The following ZMIZ1 variants were observed in gnomAD, a reference collection of about 807,000 sequenced individuals.
ZMIZ1 encodes the protein zinc finger MIZ-type containing 1, also known as zinc finger MIZ domain-containing protein 1.
Under a neutral mutation model 113.9 loss-of-function variants are expected in ZMIZ1, and 17 were observed. The observed-to-expected ratio is 0.15, with a 90% CI of 0.10 to 0.22. The LOEUF (loss-of-function observed/expected upper bound fraction) is 0.22, where lower values mean the gene tolerates loss of function less well. Ranked by LOEUF, ZMIZ1 falls within the 10% of genes least tolerant of loss-of-function variation. The pLI is 1.00. For missense variants in ZMIZ1, 1,059 were observed against 1,477.8 expected (o/e 0.72, Z 4.65); for synonymous variants, 607 against 603.1 (o/e 1.01, Z -0.09).
At chr10:79,229,080 A>G (rs2802363) in intron 7 of ZMIZ1, among the ~76,000 whole-genome samples, 41,858 of 152,222 alleles carry the variant, frequency 0.27, 6,194 homozygotes, top group Non-Finnish European at 0.35. Flanking sequence ...GGGGTCCCAC[A>G]GATCTAGAAT....
At chr10:79,302,698 TTTTTTTTGA>T (rs1189803630) in intron 18 of ZMIZ1, among the ~76,000 whole-genome samples, 2 of 132,554 alleles carry the variant, frequency 1.5e-5, no homozygotes, top group Non-Finnish European at 1.6e-5. Context: ...TTTTTTTTTT[TTTTTTTTGA>T]GAGAGAGAGA....
Position 79,129,784 on chromosome 10 carries a change from C to T in ZMIZ1, c.-226-9898C>T, listed in dbSNP as rs912559668. On this transcript the variant is annotated intron_variant, in intron 2 of 24. Transcript: ENST00000334512. The stretch of plus-strand genomic sequence containing the variant: ...GGCAGAGCGAGCCCCTGCCCCCAGC[C>T]CTGGCCTGAGCAGTTGGGAGGGATC... Among the ~76,000 whole-genome samples the T allele has an allele frequency of 1.4e-4, 22 of 152,352 alleles. 1 individual carries two copies. Among genetic ancestry groups the T allele is most frequent in the South Asian group, 1.0e-3 (5 of 4,830 alleles).
intron 7 of ZMIZ1, among the ~76,000 whole-genome samples, chr10:79,243,376 G>A (rs554474289): frequency 6.7e-6 from 1 of 149,446 alleles, no homozygotes; most frequent in African/African-American, 2.4e-5. Context: ...CCCCATTAGC[G>A]GAGCCTCCGC....
rs1194005715 is a variant in ZMIZ1, at chr10:79,306,330, A to T, written c.2654A>T (p.Asp885Val). The T allele has an allele frequency of 6.2e-7, 1 of 1,610,380 alleles. No individual in the cohort carries two copies. Among genetic ancestry groups the T allele is most frequent in the South Asian group, 1.1e-5 (1 of 91,070 alleles). ...PPPPGGTNSN[D>V]YSSQGNNYQG... ...CCCCCAGGGGGCACCAACTCCAACGACTACAGCAGCCAAGGTGGGTGATGC... is the reference window on the plus strand; with the variant it reads ...CCCCCAGGGGGCACCAACTCCAACGTCTACAGCAGCCAAGGTGGGTGATGC... The change falls in exon 22 of 25, where the codon GAC becomes GTC. Residue 885 changes from aspartate to valine, a missense_variant. Physicochemically the swap from Asp to Val is radical, Grantham distance 152 (BLOSUM62 -3). Around this residue, in one of 6 missense-constraint regions of ZMIZ1, gnomAD observed 225 missense variants for 276.0 expected, o/e 0.82. Transcript: ENST00000334512.
At chr10:79,163,475 A>G (rs144951384) in intron 4 of ZMIZ1, among the ~76,000 whole-genome samples, 106 of 152,362 alleles carry the variant, frequency 7.0e-4, no homozygotes, top group Admixed American at 2.9e-3. Flanking sequence ...ATATTTTTAA[A>G]TGTCACAGTC....
At position 79,244,847 on chromosome 10, in the gene ZMIZ1, G is replaced by T. The variant is rs1589476472; in HGVS notation, c.280+28573G>T. On this transcript the variant is annotated intron_variant, in intron 7 of 24. Transcript: ENST00000334512. ...AGGGTGACCCCAGATGTTACGTGGG[G>T]GCTCCGGCTCCCCCAGTTATGGGGC... Among the ~76,000 whole-genome samples the T allele has an allele frequency of 2.0e-5, 3 of 152,182 alleles. No individual in the cohort carries two copies. The East Asian group carries it at 5.8e-4, about 29-fold the overall frequency.
At chr10:79,244,983 T>G (rs1589476800) in intron 7 of ZMIZ1, among the ~76,000 whole-genome samples, 1 of 152,186 alleles carries the variant, frequency 6.6e-6, no homozygotes. Flanking sequence ...GCCTTTCCCC[T>G]TTTTTTGTGT....
chr10:79,243,099 GCTC>G (rs949454526), intron 7 of ZMIZ1, among the ~76,000 whole-genome samples: 12 of 150,782 alleles, frequency 8.0e-5, no homozygotes, highest in Admixed American at 2.6e-4. Context: ...TTCCTCCCGC[GCTC>G]CTCCTCCTCC....
rs963033027 is a variant in ZMIZ1 at position 79,118,337 on chromosome 10, C to G, written c.-336-578C>G. 9.9e-5 allele frequency among the ~76,000 whole-genome samples: 15 copies of G among 152,148 alleles called. No homozygotes were observed. The highest frequency in any genetic ancestry group is 3.6e-4 in the African/African-American group (15 of 41,426). On this transcript the variant is annotated intron_variant, in intron 1 of 24. Coordinates refer to ENST00000334512, the MANE Select transcript of ZMIZ1 (RefSeq NM_020338.4). This position sits in a 1 kb window ranked among gnomAD's most constrained non-coding sequence, Gnocchi z 4.1. The stretch of plus-strand genomic sequence containing the variant: ...AGGAATCTCTGTGGTCCTTGTTAAC[C>G]AGTTCAGAGGACAGAGAGAAACTAG...
In ZMIZ1 at chr10:79,265,465, TTTC is replaced by T. The variant is rs1321090011; in HGVS notation, c.281-11713_281-11711del. On this transcript the variant is annotated intron_variant, in intron 7 of 24. Coordinates refer to ENST00000334512, the MANE Select transcript of ZMIZ1 (RefSeq NM_020338.4). ...CCAGCAGACAACTCCTTTTTTTTCTTTTCTTTTTTTTTTTTTTTTTGGCCTTTC... is the reference window on the plus strand; with the variant it reads ...CCAGCAGACAACTCCTTTTTTTTCTTTTTTTTTTTTTTTTTTTGGCCTTTC... 8.8e-4 allele frequency among the ~76,000 whole-genome samples: 124 copies of T among 140,330 alleles called. 4 individuals carry two copies. Among genetic ancestry groups the T allele is most frequent in the African/African-American group, 3.1e-3 (106 of 34,338 alleles). 92.1% of individuals were successfully genotyped at this position (140,330 alleles called of 152,430 possible). A position where few individuals can be genotyped will look rare whatever the true frequency, so the allele number is the denominator to read the frequency against.
chr10:79,099,728 C>G (rs1377918553), intron 1 of ZMIZ1, among the ~76,000 whole-genome samples: 1 of 152,198 alleles, frequency 6.6e-6, no homozygotes, highest in African/African-American at 2.4e-5. Flanking sequence ...AAGCATCTCT[C>G]CATAAACCCC....
At chr10:79,223,231 C>A (rs562343398) in intron 7 of ZMIZ1, among the ~76,000 whole-genome samples, 1 of 152,252 alleles carries the variant, frequency 6.6e-6, no homozygotes. Flanking sequence ...AAACAGCTCG[C>A]GGCCGCCCAG....
At chr10:79,126,445 T>A (rs1844514364) in intron 2 of ZMIZ1, among the ~76,000 whole-genome samples, 1 of 152,106 alleles carries the variant, frequency 6.6e-6, no homozygotes, top group South Asian at 2.1e-4. Context: ...CAGGGAGAGC[T>A]TCCTGGAGGA....
At chr10:79,098,465 G>A (rs544968993) in intron 1 of ZMIZ1, among the ~76,000 whole-genome samples, 3 of 152,342 alleles carry the variant, frequency 2.0e-5, no homozygotes, top group Non-Finnish European at 2.9e-5. Flanking sequence ...TAAAATGGAG[G>A]TGGTGATAGT....
chr10:79,153,535 C>A (rs962799894), intron 3 of ZMIZ1, among the ~76,000 whole-genome samples: 2 of 152,270 alleles, frequency 1.3e-5, no homozygotes, highest in Non-Finnish European at 2.9e-5. Flanking sequence ...TCTTCCCTGG[C>A]CTTCCAGCAG....
chr10:79,278,640 C>CT (rs1852466407), intron 8 of ZMIZ1, among the ~76,000 whole-genome samples: 2 of 151,546 alleles, frequency 1.3e-5, no homozygotes, highest in South Asian at 2.1e-4. Context: ...GGTGATGACT[C>CT]TTAACGAGCA....
At position 79,296,649 on chromosome 10, in the gene ZMIZ1, A is replaced by G; in HGVS notation, c.1409A>G (p.Tyr470Cys). 1 of 1,557,234 alleles carries G rather than the reference A, an allele frequency of 6.4e-7. No homozygotes were observed. Among genetic ancestry groups the G allele is most frequent in the Non-Finnish European group, 8.7e-7 (1 of 1,150,284 alleles). ...CCCACGGTCAACATGGGGCAGTATTACAAGGTGAGTCCCAGCCTCGCCACC... is the reference window on the plus strand; with the variant it reads ...CCCACGGTCAACATGGGGCAGTATTGCAAGGTGAGTCCCAGCCTCGCCACC... Reference protein sequence around the residue: ...PPPTVNMGQYYKPEQFNGQNN... With the variant: ...PPPTVNMGQYCKPEQFNGQNN... Residue 470 changes from tyrosine (Y) to cysteine (C), a missense_variant, in exon 13 of 25, where the codon TAC becomes TGC. Tyr to Cys is a radical substitution (Grantham distance 194, BLOSUM62 -2). Coordinates refer to ENST00000334512, the MANE Select transcript of ZMIZ1 (RefSeq NM_020338.4). The surrounding 1 kb of genome is among the most constrained non-coding windows in gnomAD (Gnocchi z 4.1).
chr10:79,126,518 G>A (rs558982382), intron 2 of ZMIZ1, among the ~76,000 whole-genome samples: 30 of 152,198 alleles, frequency 2.0e-4, no homozygotes, highest in Non-Finnish European at 3.7e-4. Context: ...AGCATTCCAC[G>A]CAAAGGGAAC....
intron 7 of ZMIZ1, among the ~76,000 whole-genome samples, chr10:79,241,740 A>G (rs574995378): frequency 6.6e-6 from 1 of 152,264 alleles, no homozygotes; most frequent in African/African-American, 2.4e-5. Flanking sequence ...ATTTCTAGAT[A>G]AGTGATTTGT....
Sources: gnomAD v4.1 joint callset for allele counts (sites outside exome capture counted in the v4.1 genomes callset) on GRCh38, gnomAD v4.1.1 for gene constraint, gnomAD v4.1.1 regional missense constraint, Gnocchi (gnomAD v3.1) non-coding constraint, MANE v1.5 for transcripts, NCBI Gene and HGNC (gene_info 2026-07-23, HGNC 2026-07-21) for gene names.